Variants in SOX6 observed in about 807,000 individuals in gnomAD.
SOX6 encodes the protein SRY-box transcription factor 6.
A neutral mutation model predicts 97.8 loss-of-function variants in SOX6; 11 were observed. The observed-to-expected ratio is 0.11, with a 90% confidence interval of 0.07 to 0.19. The LOEUF (loss-of-function observed/expected upper bound fraction) is 0.19. SOX6 is among the 10% of genes least tolerant of loss of function. SOX6 has a pLI of 1.00. For missense variants in SOX6, 810 were observed against 1,039.5 expected (o/e 0.78, Z 3.04); for synonymous variants, 360 against 371.4 (o/e 0.97, Z 0.35).
intron 3 of SOX6, among the ~76,000 whole-genome samples, chr11:16,707,707 CTG>C (rs1258830522): frequency 6.6e-6 from 1 of 152,120 alleles, no homozygotes; most frequent in Non-Finnish European, 1.5e-5. Flanking sequence ...GTGAAAAACA[CTG>C]TGCTATAATG....
intron 3 of SOX6, among the ~76,000 whole-genome samples, chr11:16,282,212 T>C (rs1854586860): frequency 6.6e-6 from 1 of 150,858 alleles, no homozygotes; most frequent in South Asian, 2.1e-4. Flanking sequence ...TCTGTTCCCT[T>C]CCATTGAGGT....
chr11:16,224,360 A>G (rs1001468359), intron 4 of SOX6, among the ~76,000 whole-genome samples: 3 of 152,086 alleles, frequency 2.0e-5, no homozygotes, highest in African/African-American at 7.2e-5. Context: ...GATTTCACTA[A>G]TTAGATTCAA....
At chr11:16,066,704 G>A (rs1047924052) in intron 9 of SOX6, among the ~76,000 whole-genome samples, 2 of 152,120 alleles carry the variant, frequency 1.3e-5, no homozygotes, top group Non-Finnish European at 2.9e-5. Flanking sequence ...CAAAACAATT[G>A]AGCTCATGGA....
chr11:16,371,544 G>T (rs1393776412), intron 1 of SOX6, among the ~76,000 whole-genome samples: 2 of 151,696 alleles, frequency 1.3e-5, no homozygotes, highest in African/African-American at 2.4e-5. Context: ...TTTCTGTTTT[G>T]ATCATTGATG....
At chr11:16,318,341 A>G in intron 3 of SOX6, 105 bp downstream of exon 3, 1 of 1,236,648 alleles carries the variant, frequency 8.1e-7, no homozygotes, top group Non-Finnish European at 1.2e-6. Flanking sequence ...GCTAGTGACA[A>G]TTATGCACTT....
intron 4 of SOX6, among the ~76,000 whole-genome samples, chr11:16,207,403 C>A (rs1852100452): frequency 6.6e-6 from 1 of 151,960 alleles, no homozygotes; most frequent in South Asian, 2.1e-4. Flanking sequence ...GAGATCGAGA[C>A]CATCCTGGCT....
At chr11:16,574,643 G>T (rs905617504) in intron 4 of SOX6, among the ~76,000 whole-genome samples, 4 of 152,014 alleles carry the variant, frequency 2.6e-5, no homozygotes, top group Admixed American at 6.6e-5. Context: ...TTCATCAAAA[G>T]ATTCCATAAA....
intron 3 of SOX6, among the ~76,000 whole-genome samples, chr11:16,686,523 T>G (rs949625176): frequency 1.3e-5 from 2 of 152,196 alleles, no homozygotes; most frequent in Non-Finnish European, 2.9e-5. Context: ...ATCTCAAGAG[T>G]GAACTTTATT....
At chr11:16,452,175 T>C (rs1458783453) in intron 1 of SOX6, among the ~76,000 whole-genome samples, 1 of 152,068 alleles carries the variant, frequency 6.6e-6, no homozygotes. Flanking sequence ...TTGAAGTATG[T>C]CACAGAACAA....
intron 6 of SOX6, among the ~76,000 whole-genome samples, chr11:16,143,152 C>A (rs1850192173): frequency 1.3e-5 from 2 of 152,202 alleles, no homozygotes; most frequent in African/African-American, 4.8e-5. Flanking sequence ...CAGCGGATCT[C>A]TCAGCAGAAA....
chr11:16,588,306 C>T (rs1485493817), intron 4 of SOX6, among the ~76,000 whole-genome samples: 2 of 152,178 alleles, frequency 1.3e-5, no homozygotes, highest in Admixed American at 6.5e-5. Flanking sequence ...AACGAAAGAA[C>T]TAATTCCTAG....
chr11:16,140,793 G>C (rs549781469), intron 6 of SOX6, among the ~76,000 whole-genome samples: 1 of 152,168 alleles, frequency 6.6e-6, no homozygotes. Context: ...GTTATGTTCT[G>C]CCATGAATAG....
intron 4 of SOX6, among the ~76,000 whole-genome samples, chr11:16,561,128 AAAAG>A (rs1382865566): frequency 6.6e-6 from 1 of 152,190 alleles, no homozygotes; most frequent in Non-Finnish European, 1.5e-5. Flanking sequence ...TATTAAAAGA[AAAAG>A]AAGGAAGAAA....
At chr11:16,567,435 G>A (rs75436437) in intron 4 of SOX6, 2,619 of 152,304 alleles carry the variant, frequency 0.017, 40 homozygotes, top group Non-Finnish European at 0.027. Flanking sequence ...AACATAGGTG[G>A]AGACTGCCAC....
intron 9 of SOX6, among the ~76,000 whole-genome samples, chr11:16,080,065 T>A (rs953906589): frequency 6.6e-6 from 1 of 150,752 alleles, no homozygotes; most frequent in Non-Finnish European, 1.5e-5. Flanking sequence ...AAATTGCACA[T>A]GTACCCTAAA....
intron 6 of SOX6, among the ~76,000 whole-genome samples, chr11:16,137,323 T>G (rs1446796197): frequency 1.3e-5 from 2 of 152,000 alleles, no homozygotes; most frequent in African/African-American, 4.8e-5. Context: ...CTACTCGGGA[T>G]GCTGAGGCAC....
intron 6 of SOX6, among the ~76,000 whole-genome samples, chr11:16,128,835 AT>A (rs1379355464): frequency 6.6e-6 from 1 of 151,854 alleles, no homozygotes. Flanking sequence ...TTTCATTTTT[AT>A]TTCCCAGTTT....
At chr11:16,352,688 C>T (rs1856980877) in intron 1 of SOX6, among the ~76,000 whole-genome samples, 1 of 151,934 alleles carries the variant, frequency 6.6e-6, no homozygotes, top group Non-Finnish European at 1.5e-5. Context: ...TATACCATTC[C>T]TGTAGAATTT....
chr11:16,589,539 T>TTAA (rs1848128370), intron 4 of SOX6, among the ~76,000 whole-genome samples: 1 of 152,178 alleles, frequency 6.6e-6, no homozygotes, highest in Admixed American at 6.5e-5. Flanking sequence ...AATGTAGGCC[T>TTAA]TAATGATAAC....
Sources: gnomAD v4.1 joint callset for allele counts (sites outside exome capture counted in the v4.1 genomes callset) on GRCh38, gnomAD v4.1.1 for gene constraint, MANE v1.5 for transcripts, NCBI Gene and HGNC (gene_info 2026-07-23, HGNC 2026-07-21) for gene names.